Variants in CNPY4 observed in about 807,000 individuals in gnomAD.
CNPY4 encodes the protein canopy FGF signaling regulator 4.
CNPY4 carries 33 observed loss-of-function variants against 30.1 expected under a neutral mutation model. That is an observed-to-expected ratio of 1.10 (90% CI 0.83 to 1.46). CNPY4 has a LOEUF of 1.46. Among genes scored for constraint, CNPY4 ranks in the 40% most tolerant of loss-of-function variants. CNPY4 has a pLI of 0.00. For missense variants in CNPY4, 324 were observed against 302.6 expected, an observed-to-expected ratio of 1.07 and a Z score of -0.52; for synonymous variants, 109 against 110.1, an observed-to-expected ratio of 0.99 and a Z score of 0.06.
chr7:100,123,661 C>T (rs1258675092), intron 4 of CNPY4, among the ~76,000 whole-genome samples: 2 of 152,064 alleles, frequency 1.3e-5, no homozygotes, highest in African/African-American at 2.4e-5. Context: ...GCTGGGATTA[C>T]AGGCCCCTGC....
chr7:100,123,764 C>T (rs1321353640), intron 4 of CNPY4, among the ~76,000 whole-genome samples: 1 of 152,212 alleles, frequency 6.6e-6, no homozygotes, highest in East Asian at 1.9e-4. Context: ...AGGTGATCCA[C>T]CCGCCTTGGC....
At position 100,119,671 on chromosome 7, in the gene CNPY4, G is replaced by A. The variant is rs957896377; in HGVS notation, c.-74G>A. The A allele has an allele frequency of 7.4e-6, 12 of 1,611,448 alleles. No homozygotes were observed. Among genetic ancestry groups the A allele is most frequent in the Non-Finnish European group, 9.3e-6 (11 of 1,179,004 alleles). On this transcript the variant is annotated 5_prime_UTR_variant, in exon 1 of 6. Transcript: ENST00000262932. ...GATTTAAGGTTGCCGCTAGCCGCCT[G>A]GGAATTTAAGGGACCCACACTACCT... is the stretch of plus-strand genomic sequence containing the variant.
intron 4 of CNPY4, 30 bp downstream of exon 4, chr7:100,122,936 G>C: frequency 6.3e-7 from 1 of 1,587,540 alleles, no homozygotes; most frequent in Admixed American, 1.8e-5. Flanking sequence ...CATCCAGGGA[G>C]GTGAGAAGGG....
rs1392585604 is a variant in CNPY4 at position 100,119,644 on chromosome 7, T to C, written c.-101T>C. ...TGCGCATGCGCCGACCTTCCTCGGC[T>C]GGATTTAAGGTTGCCGCTAGCCGCC... On this transcript the variant is annotated 5_prime_UTR_variant, in exon 1 of 6. Coordinates refer to ENST00000262932, the MANE Select transcript of CNPY4 (RefSeq NM_152755.2). 4.4e-6 allele frequency: 7 copies of C among 1,603,938 alleles called. No homozygotes were observed. The African/African-American group carries it at 5.4e-5, about 12-fold the overall frequency.
chr7:100,122,375 T>TA lies in CNPY4; in HGVS notation c.236dup (p.Tyr79Ter). 1.2e-6 allele frequency: 2 copies of TA among 1,614,152 alleles called. No homozygotes were observed. Among genetic ancestry groups the TA allele is most frequent in the Non-Finnish European group, 1.7e-6 (2 of 1,180,018 alleles). The change falls in exon 2 of 6, where the codon TAC (tyrosine) becomes TAAC (stop). Residue 79 changes from tyrosine to a stop codon, truncating the protein, a stop_gained and frameshift_variant. Transcript: ENST00000262932. LOFTEE classifies it high-confidence loss of function. ...DTGKRKRHVP[Y>*]SVSETRLEEA... ...AGGCAAGAGGAAGAGACACGTGCCT[T>TA]ACAGCGTTTCGTGAGTCCTTCGTGC... is the stretch of plus-strand genomic sequence containing the variant.
chr7:100,121,116 A>ATATACATATATATTTTTTTTTTTTTT (rs1584585316), intron 1 of CNPY4: 1 of 52,802 alleles, frequency 1.9e-5, no homozygotes, highest in Non-Finnish European at 3.2e-5. Flanking sequence ...ATATATATAT[A>ATATACATATATATTTTTTTTTTTTTT]TTTTTTTTTT....
At chr7:100,120,494 G>C (rs1019684144) in intron 1 of CNPY4, 1 of 152,316 alleles carries the variant, frequency 6.6e-6, no homozygotes, top group African/African-American at 2.4e-5. Context: ...TGATGCCCTA[G>C]TTTGCTGCCC....
chr7:100,121,400 G>A (rs904536894), intron 1 of CNPY4: 1 of 151,398 alleles, frequency 6.6e-6, no homozygotes, highest in South Asian at 2.1e-4. Flanking sequence ...GCCTCCCAAA[G>A]TGTTGGGATT....
intron 1 of CNPY4, chr7:100,121,112 A>ATTTTTTTTTTTTTTTTTT (rs1798040006): frequency 9.8e-5 from 3 of 30,710 alleles, no homozygotes; most frequent in Non-Finnish European, 1.8e-4. Context: ...ATATATATAT[A>ATTTTTTTTTTTTTTTTTT]TATATTTTTT....
At position 100,123,283 on chromosome 7, in the gene CNPY4, C is replaced by T. The variant is rs939053244; in HGVS notation, c.465+377C>T. On this transcript the variant is annotated intron_variant, in intron 4 of 5. Transcript: ENST00000262932. ...CTTGAATCCAGGAGGTGGAGGTTGC[C>T]ATGAGCCAAGATCGCACCATTGCAC... 2.0e-5 allele frequency among the ~76,000 whole-genome samples: 3 copies of T among 151,460 alleles called. No individual in the cohort carries two copies. The East Asian group carries it at 5.9e-4, about 30-fold the overall frequency.
In CNPY4 at chr7:100,122,699, G is replaced by A. The variant is rs150754708; in HGVS notation, c.343-85G>A. On this transcript the variant is annotated intron_variant, in intron 3 of 5. Transcript: ENST00000262932. ...CATGGAACTCACCCTTGAATCTCCA[G>A]TAGTTGACAAAACTGAAATGGCAGA... is the stretch of plus-strand genomic sequence containing the variant. 82 of 1,541,062 alleles carry A rather than the reference G, an allele frequency of 5.3e-5. No homozygotes were observed. In the African/African-American group the frequency reaches 1.0e-3, roughly 19 times the overall value.
chr7:100,122,952 G>A (rs964636090), intron 4 of CNPY4, 46 bp downstream of exon 4: 4 of 1,574,324 alleles, frequency 2.5e-6, no homozygotes, highest in Non-Finnish European at 2.6e-6. Context: ...AAGGGAACCT[G>A]AGAGGGGAGC....
intron 1 of CNPY4, 45 bp downstream of exon 1, chr7:100,119,907 T>A: frequency 6.5e-7 from 1 of 1,527,706 alleles, no homozygotes; most frequent in Non-Finnish European, 8.9e-7. Context: ...CGGCCACACC[T>A]CCTTCTTCTA....
intron 1 of CNPY4, chr7:100,121,108 A>ATTTT (rs1562938218): frequency 6.7e-4 from 12 of 17,894 alleles, no homozygotes; most frequent in Non-Finnish European, 1.1e-3. Context: ...ATATATATAT[A>ATTTT]TATATATATT....
Position 100,122,874 on chromosome 7 carries a change from C to G in CNPY4, c.433C>G (p.Pro145Ala). 6.2e-7 allele frequency: 1 copy of G among 1,613,552 alleles called. No homozygotes were observed. Among genetic ancestry groups the G allele is most frequent in the Non-Finnish European group, 8.5e-7 (1 of 1,179,878 alleles). ...LGIPLELWDE[P>A]SVEVTYLKKQ... ...GATCCCTCTGGAGCTTTGGGATGAGCCCAGCGTGGAGGTCACATACCTCAA... is the reference window on the plus strand; with the variant it reads ...GATCCCTCTGGAGCTTTGGGATGAGGCCAGCGTGGAGGTCACATACCTCAA... The change falls in exon 4 of 6, where the codon CCC becomes GCC. Residue 145 changes from proline (P) to alanine (A), a missense_variant. Physicochemically the swap from Pro to Ala is conservative, Grantham distance 27. Coordinates refer to ENST00000262932, the MANE Select transcript of CNPY4 (RefSeq NM_152755.2).
intron 1 of CNPY4, chr7:100,122,049 GAAA>G (rs111511573): frequency 8.5e-4 from 266 of 313,532 alleles, no homozygotes; most frequent in East Asian, 1.8e-3. Context: ...GAGTCCGTCT[GAAA>G]AAAAAAAAAA....
intron 1 of CNPY4, among the ~76,000 whole-genome samples, chr7:100,121,821 C>T (rs187678871): frequency 5.3e-5 from 8 of 151,818 alleles, no homozygotes; most frequent in East Asian, 2.0e-4. Flanking sequence ...GAGGCCAAGG[C>T]GGGCGGATCA....
At position 100,122,824 on chromosome 7, in the gene CNPY4, A is replaced by G; in HGVS notation, c.383A>G (p.Gln128Arg). The change falls in exon 4 of 6, where the codon CAG becomes CGG. Residue 128 changes from glutamine to arginine, a missense_variant. Transcript: ENST00000262932. ...QTMATLKGLV[Q>R]KGVKVDLGIP... ...ATGGCAACACTGAAAGGCCTAGTGC[A>G]GAAGGGGGTGAAGGTGGATCTGGGG... 6.2e-7 allele frequency: 1 copy of G among 1,614,032 alleles called. No individual in the cohort carries two copies. The highest frequency in any genetic ancestry group is 8.5e-7 in the Non-Finnish European group (1 of 1,179,984).
At chr7:100,122,628 T>C (rs1336585443) in intron 3 of CNPY4, 51 bp downstream of exon 3, 1 of 1,541,084 alleles carries the variant, frequency 6.5e-7, no homozygotes, top group African/African-American at 1.4e-5. Flanking sequence ...CAAAGATCTG[T>C]ATCCCCTGAG....
Sources: gnomAD v4.1 joint callset for allele counts (sites outside exome capture counted in the v4.1 genomes callset) on GRCh38, gnomAD v4.1.1 for gene constraint, MANE v1.5 for transcripts, NCBI Gene and HGNC (gene_info 2026-07-23, HGNC 2026-07-21) for gene names.